The following APOOL variants were observed in gnomAD, a reference collection of about 807,000 sequenced individuals.
The protein encoded by APOOL is apolipoprotein O like.
Under a neutral mutation model 23.1 loss-of-function variants are expected in APOOL, and 12 were observed. The ratio of observed to expected loss-of-function variants is 0.52; its 90% CI spans 0.33 to 0.84. The LOEUF (loss-of-function observed/expected upper bound fraction) is 0.84. Ranked by LOEUF, APOOL falls within the 40% of genes least tolerant of loss-of-function variation. APOOL has a pLI of 0.02. For missense variants in APOOL, 212 were observed against 199.6 expected, an observed-to-expected ratio of 1.06 and a Z score of -0.37; for synonymous variants, 77 against 69.9, an observed-to-expected ratio of 1.10 and a Z score of -0.51.
intron 5 of APOOL, among the ~76,000 whole-genome samples, chrX:85,058,869 C>CT (rs894291278): frequency 2.7e-5 from 3 of 109,984 alleles, no homozygotes; most frequent in Non-Finnish European, 5.7e-5. Context: ...TGTATGTCTT[C>CT]TTTTTTTTAA....
intron 6 of APOOL, among the ~76,000 whole-genome samples, chrX:85,073,146 G>A (rs1923727260): frequency 9.0e-6 from 1 of 111,243 alleles, no homozygotes; most frequent in Admixed American, 9.6e-5. Flanking sequence ...CTTTTCAACT[G>A]TAGGTATATA....
At chrX:85,033,734 CTCTTT>C (rs1922118779) in intron 1 of APOOL, among the ~76,000 whole-genome samples, 1 of 111,366 alleles carries the variant, frequency 9.0e-6, no homozygotes, top group Non-Finnish European at 1.9e-5. Context: ...CATCAGAGAT[CTCTTT>C]TCTTTTCAGG....
chrX:85,013,022 A>G (rs1002121232), intron 1 of APOOL, among the ~76,000 whole-genome samples: 1 of 111,147 alleles, frequency 9.0e-6, no homozygotes, highest in Non-Finnish European at 1.9e-5. Context: ...CGATTTCGCT[A>G]TTGGTCTGTT....
At chrX:85,031,930 A>G (rs1922050758) in intron 1 of APOOL, among the ~76,000 whole-genome samples, 1 of 111,813 alleles carries the variant, frequency 8.9e-6, no homozygotes, top group Admixed American at 9.5e-5. Context: ...GAGTGCTACA[A>G]TCTTTTCAAG....
chrX:85,071,395 C>T (rs760799181), intron 6 of APOOL, among the ~76,000 whole-genome samples: 12 of 110,086 alleles, frequency 1.1e-4, no homozygotes, highest in South Asian at 3.9e-4. Context: ...GGGATTGATA[C>T]GTGGTACAGG....
chrX:85,054,345 G>C lies in APOOL; in HGVS notation c.242G>C (p.Gly81Ala), dbSNP rs1165635946. 1.3e-5 allele frequency: 15 copies of C among 1,182,427 alleles called. No homozygotes were observed. Among genetic ancestry groups the C allele is most frequent in the Non-Finnish European group, 1.7e-5 (15 of 881,626 alleles). ...TTCCCCCCCTTTTTTTTTGCTTAGGGTGTTTATGTCTTTGTGAAAAATGGG... is the reference window on the plus strand; with the variant it reads ...TTCCCCCCCTTTTTTTTTGCTTAGGCTGTTTATGTCTTTGTGAAAAATGGG... ...ATGCYIGWCKGVYVFVKNGIM... is the reference protein window; with the variant it reads ...ATGCYIGWCKAVYVFVKNGIM... The change falls in exon 4 of 9, where the codon GGT becomes GCT. Residue 81 changes from glycine (G) to alanine (A), a missense_variant and splice_region_variant. Physicochemically the swap from Gly to Ala is moderately conservative, Grantham distance 60. Transcript: ENST00000373173.
chrX:85,074,462 T>C, intron 8 of APOOL, 71 bp downstream of exon 8: 1 of 1,093,234 alleles, frequency 9.1e-7, no homozygotes, highest in Non-Finnish European at 1.2e-6. Flanking sequence ...TCATTAGTGG[T>C]TTGAACTTAA....
intron 1 of APOOL, among the ~76,000 whole-genome samples, chrX:85,025,829 G>A (rs1485836568): frequency 8.9e-6 from 1 of 112,859 alleles, no homozygotes; most frequent in Non-Finnish European, 1.9e-5. Flanking sequence ...GGATTTGAAT[G>A]ACTGTAGCGT....
chrX:85,085,386 C>G (rs942022742), intron 8 of APOOL, among the ~76,000 whole-genome samples: 1 of 111,369 alleles, frequency 9.0e-6, no homozygotes, highest in Non-Finnish European at 1.9e-5. Context: ...CTATAACATA[C>G]CCCCAGAGAC....
At chrX:85,026,473 T>C (rs1037411672) in intron 1 of APOOL, among the ~76,000 whole-genome samples, 1 of 113,175 alleles carries the variant, frequency 8.8e-6, no homozygotes, top group African/African-American at 3.2e-5. Context: ...AGCAGCCTGT[T>C]TGAAAAAGCT....
chrX:85,075,064 A>G (rs916547122), intron 8 of APOOL, among the ~76,000 whole-genome samples: 1 of 110,761 alleles, frequency 9.0e-6, no homozygotes, highest in Non-Finnish European at 1.9e-5. Context: ...AGGTTTATCT[A>G]TATAGATACC....
chrX:85,054,742 G>A (rs914169996), intron 4 of APOOL, among the ~76,000 whole-genome samples: 2 of 111,070 alleles, frequency 1.8e-5, no homozygotes, highest in East Asian at 2.8e-4. Context: ...TCGAGCTTAC[G>A]TAACTGTAAG....
intron 6 of APOOL, 91 bp downstream of exon 6, chrX:85,067,309 T>A (rs1198322762): frequency 3.2e-6 from 2 of 617,131 alleles, no homozygotes; most frequent in African/African-American, 4.5e-5. Flanking sequence ...CCTGCAACAT[T>A]TAATTTTAAG....
intron 1 of APOOL, among the ~76,000 whole-genome samples, chrX:85,036,343 C>T (rs1200538792): frequency 2.7e-5 from 3 of 112,085 alleles, no homozygotes; most frequent in African/African-American, 6.5e-5. Flanking sequence ...CCCAAAACTT[C>T]GCTGGAGTTG....
chrX:85,018,432 T>A (rs937492554), intron 1 of APOOL, among the ~76,000 whole-genome samples: 7 of 111,705 alleles, frequency 6.3e-5, no homozygotes, highest in African/African-American at 2.3e-4. Context: ...AAGTTATTTA[T>A]GAGGGACTGC....
intron 1 of APOOL, among the ~76,000 whole-genome samples, chrX:85,015,397 C>G (rs1370512860): frequency 1.8e-5 from 2 of 110,288 alleles, no homozygotes; most frequent in Non-Finnish European, 3.8e-5. Context: ...TGTTATAGAA[C>G]CCTGTATTGT....
chrX:85,040,743 T>C (rs1922375347), intron 1 of APOOL, among the ~76,000 whole-genome samples: 1 of 112,324 alleles, frequency 8.9e-6, no homozygotes, highest in Admixed American at 9.5e-5. Flanking sequence ...TCTATTGGTT[T>C]TGGTTCTTAA....
In APOOL at chrX:85,093,082, G is replaced by T; in HGVS notation, c.*5404G>T. ...GGTAGAAATTTGAAGTATATGTTGG[G>T]GTTATGTTCAAATGGTGAGATTAAT... On this transcript the variant is annotated 3_prime_UTR_variant, in exon 9 of 9. Transcript: ENST00000373173. 1.3e-6 allele frequency: 1 copy of T among 787,304 alleles called. No homozygotes were observed. Among genetic ancestry groups the T allele is most frequent in the Non-Finnish European group, 1.8e-6 (1 of 549,419 alleles). The allele number at this position is 787,304 out of a possible 1,213,427, so 64.9% of individuals were successfully genotyped here. A position where few individuals can be genotyped will look rare whatever the true frequency, so the allele number is the denominator to read the frequency against.
intron 3 of APOOL, among the ~76,000 whole-genome samples, chrX:85,052,736 A>G (rs894005018): frequency 9.0e-6 from 1 of 111,482 alleles, no homozygotes; most frequent in African/African-American, 3.3e-5. Flanking sequence ...AGTTTGATCT[A>G]AGAGGGAAAT....
Sources: allele counts gnomAD v4.1 joint callset (sites outside exome capture counted in the v4.1 genomes callset), GRCh38; gene constraint gnomAD v4.1.1; transcripts MANE v1.5; gene names NCBI Gene and HGNC (gene_info 2026-07-23, HGNC 2026-07-21).